TEX9: variants seen among roughly 807,000 people sequenced by gnomAD.
TEX9 encodes testis-expressed protein 9.
In TEX9, 74 loss-of-function variants were observed where a neutral mutation model predicts 59.6. That is an observed-to-expected ratio of 1.24 (90% CI 1.03 to 1.51). The LOEUF (loss-of-function observed/expected upper bound fraction) is 1.51. Among genes scored for constraint, TEX9 ranks in the 40% most tolerant of loss-of-function variants. TEX9 has a pLI of 0.00. For synonymous variants in TEX9, 186 were observed against 152.2 expected, an observed-to-expected ratio of 1.22 and a Z score of -1.64; for missense variants, 522 against 447.8, an observed-to-expected ratio of 1.17 and a Z score of -1.49.
chr15:56,273,171 T>C (rs1485483898), intron 1 of TEX9, among the ~76,000 whole-genome samples: 1 of 152,098 alleles, frequency 6.6e-6, no homozygotes, highest in African/African-American at 2.4e-5. Context: ...GCCAGGCTGG[T>C]CTTGAACTCC....
chr15:56,263,446 T>G (rs1378563872), intron 1 of TEX9, among the ~76,000 whole-genome samples: 2 of 152,240 alleles, frequency 1.3e-5, no homozygotes, highest in African/African-American at 2.4e-5. Flanking sequence ...GTTTCTGTTT[T>G]TAAATTATTT....
At chr15:56,314,505 G>A (rs2045706673) in intron 1 of TEX9, among the ~76,000 whole-genome samples, 1 of 142,034 alleles carries the variant, frequency 7.0e-6, no homozygotes, top group African/African-American at 2.6e-5. Context: ...TTGCACTGTG[G>A]TCTGAGAGAT....
At chr15:56,279,093 A>G (rs963591488) in intron 1 of TEX9, among the ~76,000 whole-genome samples, 10 of 152,178 alleles carry the variant, frequency 6.6e-5, no homozygotes, top group Non-Finnish European at 1.5e-5. Context: ...ACATACATAT[A>G]TATATTTTTA....
At chr15:56,258,409 C>T (rs1299060679) in intron 1 of TEX9, among the ~76,000 whole-genome samples, 1 of 152,064 alleles carries the variant, frequency 6.6e-6, no homozygotes, top group Non-Finnish European at 1.5e-5. Flanking sequence ...ATTGATTCTT[C>T]CAATCCATGA....
intron 1 of TEX9, among the ~76,000 whole-genome samples, chr15:56,289,473 T>C (rs2045034141): frequency 6.6e-6 from 1 of 152,126 alleles, no homozygotes; most frequent in Non-Finnish European, 1.5e-5. Flanking sequence ...AGATGTGTAG[T>C]GTCTGTGTAG....
intron 1 of TEX9, among the ~76,000 whole-genome samples, chr15:56,305,788 A>T (rs1178146336): frequency 6.6e-6 from 1 of 152,212 alleles, no homozygotes; most frequent in Non-Finnish European, 1.5e-5. Context: ...ACATCAAATT[A>T]AAAAGCTTCT....
chr15:56,386,237 AG>A (rs2047955004), intron 4 of TEX9, among the ~76,000 whole-genome samples: 1 of 152,008 alleles, frequency 6.6e-6, no homozygotes, highest in African/African-American at 2.4e-5. Flanking sequence ...GCAGAGCTTT[AG>A]GGACAGAAAT....
intron 1 of TEX9, among the ~76,000 whole-genome samples, chr15:56,332,990 C>G (rs1260093761): frequency 6.6e-6 from 1 of 152,094 alleles, no homozygotes; most frequent in African/African-American, 2.4e-5. Context: ...AAAACTTAAA[C>G]ATATCAATAA....
intron 1 of TEX9, among the ~76,000 whole-genome samples, chr15:56,310,101 G>A (rs1377456397): frequency 6.6e-6 from 1 of 152,164 alleles, no homozygotes; most frequent in Non-Finnish European, 1.5e-5. Context: ...GGAGACTAGG[G>A]CCATCCTAGG....
chr15:56,368,267 T>A (rs560939485), intron 2 of TEX9, among the ~76,000 whole-genome samples: 122 of 152,294 alleles, frequency 8.0e-4, no homozygotes, highest in African/African-American at 2.8e-3. Context: ...TGTTTTAACA[T>A]ACTGAACTAC....
At chr15:56,386,781 G>A (rs2047980320) in intron 4 of TEX9, among the ~76,000 whole-genome samples, 1 of 151,792 alleles carries the variant, frequency 6.6e-6, no homozygotes. Flanking sequence ...AGATGATGAT[G>A]TTGTGATGAT....
intron 6 of TEX9, among the ~76,000 whole-genome samples, chr15:56,390,811 A>G (rs114293732): frequency 6.3e-4 from 96 of 152,110 alleles, no homozygotes; most frequent in African/African-American, 2.3e-3. Flanking sequence ...GGATGATGTC[A>G]GTTTGTACAG....
chr15:56,258,388 A>G (rs767004047), intron 1 of TEX9, among the ~76,000 whole-genome samples: 3 of 152,082 alleles, frequency 2.0e-5, no homozygotes, highest in Non-Finnish European at 4.4e-5. Context: ...CAGTATGGCC[A>G]TTTTCACAAT....
chr15:56,355,798 G>A (rs76368723), intron 1 of TEX9, among the ~76,000 whole-genome samples: 2,541 of 151,864 alleles, frequency 0.017, 69 homozygotes, highest in African/African-American at 0.058. Flanking sequence ...TACATGTTTT[G>A]GTAGATTTAT....
intron 9 of TEX9, among the ~76,000 whole-genome samples, chr15:56,407,642 G>C (rs538258361): frequency 6.2e-4 from 94 of 151,992 alleles, no homozygotes; most frequent in Middle Eastern, 6.8e-3. Context: ...ACAAATCTCA[G>C]GTATAATGCA....
chr15:56,420,841 A>C (rs574724081), intron 10 of TEX9, among the ~76,000 whole-genome samples: 2 of 151,918 alleles, frequency 1.3e-5, no homozygotes, highest in South Asian at 2.1e-4. Flanking sequence ...TCATTTTTCA[A>C]ATACTTAGGG....
intron 1 of TEX9, among the ~76,000 whole-genome samples, chr15:56,271,897 T>C (rs1596056823): frequency 2.0e-5 from 3 of 152,140 alleles, no homozygotes; most frequent in Non-Finnish European, 4.4e-5. Flanking sequence ...TCCCAGCACT[T>C]TGGGAGGCTG....
At chr15:56,322,710 C>A (rs574396108) in intron 1 of TEX9, among the ~76,000 whole-genome samples, 1 of 152,118 alleles carries the variant, frequency 6.6e-6, no homozygotes, top group Non-Finnish European at 1.5e-5. Context: ...ATGGAGAAGG[C>A]AGATGGTTTT....
chr15:56,335,006 T>C (rs2046231724), intron 1 of TEX9, among the ~76,000 whole-genome samples: 1 of 152,066 alleles, frequency 6.6e-6, no homozygotes, highest in Admixed American at 6.6e-5. Context: ...CAATAACAAA[T>C]ACTGGTGAGG....
Sources: gnomAD v4.1 joint callset for allele counts (sites outside exome capture counted in the v4.1 genomes callset) on GRCh38, gnomAD v4.1.1 for gene constraint, MANE v1.5 for transcripts, NCBI Gene and HGNC (gene_info 2026-07-23, HGNC 2026-07-21) for gene names.